The following ZSWIM2 variants were observed in gnomAD, a reference collection of about 807,000 sequenced individuals.
ZSWIM2 encodes the protein zinc finger SWIM-type containing 2.
Under a neutral mutation model 48.4 loss-of-function variants are expected in ZSWIM2, and 38 were observed. The ratio of observed to expected loss-of-function variants is 0.79; its 90% confidence interval spans 0.61 to 1.03. ZSWIM2 has a LOEUF of 1.03. Ranked by LOEUF, ZSWIM2 falls within the 50% of genes least tolerant of loss-of-function variation. The pLI is 0.00. For missense variants in ZSWIM2, 776 were observed against 730.2 expected, an observed-to-expected ratio of 1.06 and a Z score of -0.72; for synonymous variants, 240 against 251.3, an observed-to-expected ratio of 0.96 and a Z score of 0.42.
chr2:186,833,017 A>T, intron 7 of ZSWIM2, 103 bp downstream of exon 7: 1 of 505,118 alleles, frequency 2.0e-6, no homozygotes, highest in Non-Finnish European at 3.3e-6. Flanking sequence ...GTGCTTAATA[A>T]TAATTAAATA....
intron 3 of ZSWIM2, among the ~76,000 whole-genome samples, chr2:186,842,994 A>T (rs923697203): frequency 8.9e-6 from 1 of 112,300 alleles, no homozygotes; most frequent in Non-Finnish European, 1.8e-5. Context: ...TTTTGAAGAC[A>T]GTATAAAAAA....
At chr2:186,848,488 C>T (rs1409185384) in intron 1 of ZSWIM2, among the ~76,000 whole-genome samples, 1 of 152,098 alleles carries the variant, frequency 6.6e-6, no homozygotes, top group African/African-American at 2.4e-5. Flanking sequence ...CAAGGTATTG[C>T]CATTTAAACC....
chr2:186,837,459 C>T lies in ZSWIM2; in HGVS notation c.590G>A (p.Cys197Tyr). ...TTTTAATGGTGCAAACTCTTTCCTG[C>T]ACAGAGGACATTTCAACATGGAAGT... The part of the protein sequence containing the change: ...SNTSMLKCPL[C>Y]RKEFAPLKLI... The change falls in exon 5 of 9, where the codon TGC (cysteine) becomes TAC (tyrosine). Residue 197 changes from cysteine to tyrosine, a missense_variant. By Grantham distance (194) the Cys-to-Tyr change is radical. Transcript: ENST00000295131. The T allele has an allele frequency of 6.2e-7, 1 of 1,612,612 alleles. No homozygotes were observed. Among genetic ancestry groups the T allele is most frequent in the Non-Finnish European group, 8.5e-7 (1 of 1,179,184 alleles).
intron 5 of ZSWIM2, among the ~76,000 whole-genome samples, chr2:186,835,951 G>A (rs1420862829): frequency 6.6e-6 from 1 of 152,114 alleles, no homozygotes; most frequent in East Asian, 1.9e-4. Context: ...AGGATAGTGG[G>A]CCATGTGTTT....
chr2:186,837,888 A>G (rs1249255945), intron 4 of ZSWIM2, among the ~76,000 whole-genome samples: 1 of 151,300 alleles, frequency 6.6e-6, no homozygotes, highest in Non-Finnish European at 1.5e-5. Flanking sequence ...AAGGAGAATA[A>G]TAATTATTAT....
rs1385066321 is a variant in ZSWIM2, at chr2:186,830,020, T to A, written c.942-140A>T. ...CTTGAACTAAAGATAATAAATCTCA[T>A]ATATTATAAAGTTAAAAAAATCTAT... On this transcript the variant is annotated intron_variant, in intron 7 of 8. Transcript: ENST00000295131. 1.0e-5 allele frequency: 8 copies of A among 789,486 alleles called. No individual in the cohort carries two copies. The East Asian group carries it at 2.3e-4, about 23-fold the overall frequency. The allele number at this position is 789,486 out of a possible 1,614,324, so 48.9% of individuals were successfully genotyped here. A position where few individuals can be genotyped will look rare whatever the true frequency, so the allele number is the denominator to read the frequency against.
rs1164000674 is a variant in ZSWIM2 at position 186,833,928 on chromosome 2, T to C, written c.828+18A>G. On this transcript the variant is annotated intron_variant, in intron 6 of 8. Coordinates refer to ENST00000295131, the MANE Select transcript of ZSWIM2 (RefSeq NM_182521.3). ...GACAAATAGAAACACTGTATTAGAT[T>C]CAAGATGGATACTGTACCTCACGAA... 1 of 1,596,666 alleles carries C rather than the reference T, an allele frequency of 6.3e-7. No homozygotes were observed. The highest frequency in any genetic ancestry group is 1.7e-5 in the Admixed American group (1 of 59,780).
intron 3 of ZSWIM2, among the ~76,000 whole-genome samples, chr2:186,843,787 C>G (rs1192528025): frequency 6.6e-6 from 1 of 151,330 alleles, no homozygotes; most frequent in Non-Finnish European, 1.5e-5. Flanking sequence ...ACAGAGTTAA[C>G]AGTTGGAGAC....
chr2:186,846,005 A>C (rs1371919677), intron 2 of ZSWIM2, among the ~76,000 whole-genome samples: 2 of 151,910 alleles, frequency 1.3e-5, no homozygotes, highest in East Asian at 3.8e-4. Flanking sequence ...TAAAGACCTA[A>C]ATGTGAGACC....
At chr2:186,837,278 A>G (rs747527720) in intron 5 of ZSWIM2, 28 bp downstream of exon 5, 1 of 1,605,534 alleles carries the variant, frequency 6.2e-7, no homozygotes, top group Non-Finnish European at 8.5e-7. Context: ...AAAAGAACAC[A>G]TGCTTATAAT....
intron 8 of ZSWIM2, among the ~76,000 whole-genome samples, chr2:186,829,090 A>G (rs1214059406): frequency 6.6e-6 from 1 of 152,106 alleles, no homozygotes; most frequent in African/African-American, 2.4e-5. Flanking sequence ...TCTAATGAAA[A>G]TTATTTTAAA....
chr2:186,845,494 G>A (rs930954536), intron 2 of ZSWIM2, among the ~76,000 whole-genome samples: 1 of 151,218 alleles, frequency 6.6e-6, no homozygotes, highest in Non-Finnish European at 1.5e-5. Context: ...GTTACTAGAT[G>A]CTTAATAAAA....
chr2:186,828,976 T>A (rs1691648706), intron 8 of ZSWIM2, among the ~76,000 whole-genome samples, 186 bp from the exon 9 acceptor site: 1 of 152,146 alleles, frequency 6.6e-6, no homozygotes, highest in South Asian at 2.1e-4. Flanking sequence ...ATGTAGGGAC[T>A]GATTTCCATT....
At chr2:186,844,804 TA>T in intron 2 of ZSWIM2, 47 bp from the exon 3 acceptor site, 1 of 1,469,880 alleles carries the variant, frequency 6.8e-7, no homozygotes, top group Non-Finnish European at 9.1e-7. Context: ...ATTTTTGGCA[TA>T]AACTCAAAAG....
intron 3 of ZSWIM2, among the ~76,000 whole-genome samples, chr2:186,841,535 C>T (rs1691903105): frequency 6.6e-6 from 1 of 151,208 alleles, no homozygotes; most frequent in South Asian, 2.1e-4. Flanking sequence ...CTCCAAAACA[C>T]AGTAAGACTT....
rs1691853434 is a variant in ZSWIM2 at position 186,838,996 on chromosome 2, G to C, written c.457C>G (p.Leu153Val). The change falls in exon 4 of 9, where the codon CTA becomes GTA. Residue 153 changes from leucine to valine, a missense_variant. Transcript: ENST00000295131. ...SEDICSICQE[L>V]LLEKKLPVTF... Reference sequence around the variant, plus strand: ...ACAGGAAGCTTTTTCTCTAAAAGTAGCTCTTGACAAATAGAGCAGATATCC... The same window carrying C: ...ACAGGAAGCTTTTTCTCTAAAAGTACCTCTTGACAAATAGAGCAGATATCC... 1.2e-6 allele frequency: 2 copies of C among 1,609,956 alleles called. No individual in the cohort carries two copies. Among genetic ancestry groups the C allele is most frequent in the African/African-American group, 1.3e-5 (1 of 74,762 alleles).
intron 2 of ZSWIM2, among the ~76,000 whole-genome samples, chr2:186,846,522 T>C (rs567181205): frequency 2.5e-4 from 38 of 151,894 alleles, no homozygotes; most frequent in Non-Finnish European, 4.6e-4. Context: ...AATGCTTATA[T>C]ACTATTGCTA....
At chr2:186,844,519 T>C (rs1691960750) in intron 3 of ZSWIM2, among the ~76,000 whole-genome samples, 198 bp downstream of exon 3, 1 of 151,560 alleles carries the variant, frequency 6.6e-6, no homozygotes, top group African/African-American at 2.4e-5. Context: ...GAAAATGACA[T>C]ATAAAGTTAC....
At chr2:186,835,864 C>T (rs777064948) in intron 5 of ZSWIM2, among the ~76,000 whole-genome samples, 21 of 152,050 alleles carry the variant, frequency 1.4e-4, no homozygotes, top group Non-Finnish European at 1.6e-4. Flanking sequence ...AATTGTTAGC[C>T]AGATCCGTAG....
Sources: allele counts gnomAD v4.1 joint callset (sites outside exome capture counted in the v4.1 genomes callset), GRCh38; gene constraint gnomAD v4.1.1; transcripts MANE v1.5; gene names NCBI Gene and HGNC (gene_info 2026-07-23, HGNC 2026-07-21).